CDK13: variants seen among roughly 807,000 people sequenced by gnomAD.
CDK13 encodes the protein cyclin-dependent kinase 13.
CDK13 carries 40 observed loss-of-function variants against 137.6 expected under a neutral mutation model. The observed-to-expected ratio is 0.29, with a 90% CI of 0.23 to 0.38. CDK13 has a LOEUF of 0.38. Ranked by LOEUF, CDK13 falls within the 10% of genes least tolerant of loss-of-function variation. The pLI, the probability that CDK13 is intolerant of heterozygous loss-of-function variation, is 1.00. For synonymous variants in CDK13, 869 were observed against 760.1 expected, an observed-to-expected ratio of 1.14 and a Z score of -2.36; for missense variants, 1,704 against 1,951.8, an observed-to-expected ratio of 0.87 and a Z score of 2.39.
Position 39,950,452 on chromosome 7 carries a change from C to T in CDK13, c.-190C>T. The T allele has an allele frequency of 8.1e-7, 1 of 1,239,806 alleles. No individual in the cohort carries two copies. The highest frequency in any genetic ancestry group is 3.2e-5 in the East Asian group (1 of 31,628). The allele number at this position is 1,239,806 out of a possible 1,614,324, so 76.8% of individuals were successfully genotyped here. ...CTGCTTCCCTGGGGCCCGGAGGCTG[C>T]TGCGTACCCCACTGTGACCTGGAAC... is the stretch of plus-strand genomic sequence containing the variant. On this transcript the variant is annotated 5_prime_UTR_variant, in exon 1 of 14. Transcript: ENST00000181839.
At chr7:40,003,661 A>G (rs1784740510) in intron 5 of CDK13, among the ~76,000 whole-genome samples, 1 of 152,228 alleles carries the variant, frequency 6.6e-6, no homozygotes, top group Admixed American at 6.5e-5. Context: ...CTCAGGCTCT[A>G]GCCAAATCAG....
At position 39,950,839 on chromosome 7, in the gene CDK13, GGCCGCCGCCGCA is replaced by G. The variant is rs1171195152; in HGVS notation, c.210_221del (p.Ala73_Ala76del). 2.9e-6 allele frequency: 4 copies of G among 1,381,480 alleles called. No individual in the cohort carries two copies. The highest frequency in any genetic ancestry group is 3.0e-5 in the East Asian group (1 of 32,796). 85.6% of individuals were successfully genotyped at this position (1,381,480 alleles called of 1,614,324 possible). ...TGCTCTTCCTGGCTGCTCCCGGCAC[GGCCGCCGCCGCA>G]GCCGCCGCCGCCGCGGCCTCCTCCT... is the stretch of plus-strand genomic sequence containing the variant. On this transcript the variant is annotated inframe_deletion, in exon 1 of 14. Transcript: ENST00000181839.
At chr7:40,089,159 G>C (rs769195956) in intron 12 of CDK13, among the ~76,000 whole-genome samples, 2 of 151,898 alleles carry the variant, frequency 1.3e-5, no homozygotes, top group Admixed American at 6.6e-5. Context: ...GGAAGGCCAG[G>C]CATGGTGGCT....
chr7:39,951,580 G>T lies in CDK13; in HGVS notation c.939G>T (p.Arg313=), dbSNP rs776248289. The T allele has an allele frequency of 6.6e-7, 1 of 1,509,776 alleles. No homozygotes were observed. Among genetic ancestry groups the T allele is most frequent in the Admixed American group, 2.2e-5 (1 of 44,998 alleles). 93.5% of individuals were successfully genotyped at this position (1,509,776 alleles called of 1,614,324 possible). A position where few individuals can be genotyped will look rare whatever the true frequency, so the allele number is the denominator to read the frequency against. ...DKTEPKAYRR[R]RSLSPLGGRD... is the part of the protein sequence containing the mutation. ...CCGAGCCTAAGGCCTACAGGCGGCG[G>T]CGGTCCCTCAGCCCACTGGGAGGCC... The change falls in exon 1 of 14, where the codon CGG becomes CGT. Residue 313 remains arginine, a synonymous_variant. Coordinates refer to ENST00000181839, the MANE Select transcript of CDK13 (RefSeq NM_003718.5).
chr7:40,068,617 G>A (rs1786336943), intron 9 of CDK13, among the ~76,000 whole-genome samples: 1 of 146,902 alleles, frequency 6.8e-6, no homozygotes, highest in Admixed American at 6.9e-5. Context: ...TCCTGCCTCA[G>A]GTAGCTTGAA....
At chr7:40,049,456 T>C (rs1272016630) in intron 7 of CDK13, among the ~76,000 whole-genome samples, 1 of 151,948 alleles carries the variant, frequency 6.6e-6, no homozygotes, top group Non-Finnish European at 1.5e-5. Flanking sequence ...AAAAGCTATG[T>C]CCCTCATTTT....
At chr7:39,979,882 T>C (rs1188535037) in intron 1 of CDK13, among the ~76,000 whole-genome samples, 2 of 151,992 alleles carry the variant, frequency 1.3e-5, no homozygotes, top group Non-Finnish European at 2.9e-5. Context: ...ATGATGAAAG[T>C]AGAGGCCCAG....
At chr7:39,970,686 C>T (rs1265059886) in intron 1 of CDK13, among the ~76,000 whole-genome samples, 4 of 152,110 alleles carry the variant, frequency 2.6e-5, no homozygotes, top group Non-Finnish European at 4.4e-5. Flanking sequence ...GTCTTGAACT[C>T]CTGACCTCAA....
intron 2 of CDK13, among the ~76,000 whole-genome samples, chr7:39,996,779 A>G (rs956473968): frequency 3.9e-5 from 6 of 151,992 alleles, no homozygotes; most frequent in African/African-American, 7.3e-5. Context: ...CCTGGCCAAC[A>G]TGGTGAAACC....
At chr7:39,955,061 T>A (rs1244502263) in intron 1 of CDK13, among the ~76,000 whole-genome samples, 1 of 152,224 alleles carries the variant, frequency 6.6e-6, no homozygotes, top group Non-Finnish European at 1.5e-5. Context: ...TAGCTTTACT[T>A]TTTCCCCTGT....
chr7:40,016,402 C>T (rs1785005916), intron 5 of CDK13, among the ~76,000 whole-genome samples: 1 of 152,092 alleles, frequency 6.6e-6, no homozygotes, highest in Non-Finnish European at 1.5e-5. Flanking sequence ...TCATGATTAC[C>T]ATTAGAGTCT....
chr7:40,063,442 G>A (rs1424166974), intron 9 of CDK13, among the ~76,000 whole-genome samples: 1 of 151,956 alleles, frequency 6.6e-6, no homozygotes, highest in African/African-American at 2.4e-5. Context: ...TTTTAATTAT[G>A]AAAGAAATGA....
At chr7:40,028,359 C>T (rs1419460690) in intron 5 of CDK13, among the ~76,000 whole-genome samples, 1 of 151,850 alleles carries the variant, frequency 6.6e-6, no homozygotes, top group Non-Finnish European at 1.5e-5. Context: ...GCTGGGACGA[C>T]AGGCACCTGC....
At chr7:40,077,767 A>T (rs946564329) in intron 9 of CDK13, among the ~76,000 whole-genome samples, 6 of 152,150 alleles carry the variant, frequency 3.9e-5, no homozygotes, top group African/African-American at 1.4e-4. Context: ...GAGGCAGGAG[A>T]ATCACTTGAA....
chr7:40,090,765 C>T (rs762566592), intron 12 of CDK13, among the ~76,000 whole-genome samples: 3 of 152,080 alleles, frequency 2.0e-5, no homozygotes, highest in South Asian at 4.1e-4. Context: ...CAGTTACTTG[C>T]GGGGCTGAAG....
chr7:39,966,498 T>C (rs1300523644), intron 1 of CDK13, among the ~76,000 whole-genome samples: 2 of 152,212 alleles, frequency 1.3e-5, no homozygotes, highest in East Asian at 1.9e-4. Context: ...GTTATTCTAG[T>C]TAGCCATTCA....
intron 5 of CDK13, among the ~76,000 whole-genome samples, chr7:40,032,474 A>G (rs1382041820): frequency 1.3e-5 from 2 of 152,220 alleles, no homozygotes; most frequent in African/African-American, 2.4e-5. Flanking sequence ...GCCAAACTCA[A>G]GATCACCTAG....
At chr7:39,986,705 A>AAAACTTTGAATAGTTTGTTTG (rs1784344748) in intron 1 of CDK13, 1 of 152,208 alleles carries the variant, frequency 6.6e-6, no homozygotes, top group African/African-American at 2.4e-5. Flanking sequence ...CCTCAGATTA[A>AAAACTTTGAATAGTTTGTTTG]GAGTGATTGG....
intron 5 of CDK13, among the ~76,000 whole-genome samples, chr7:40,013,954 T>G (rs1784949692): frequency 6.6e-6 from 1 of 151,896 alleles, no homozygotes; most frequent in African/African-American, 2.4e-5. Context: ...ATCAAAAAAC[T>G]TCTACTTTTT....
Sources: gnomAD v4.1 joint callset for allele counts (sites outside exome capture counted in the v4.1 genomes callset) on GRCh38, gnomAD v4.1.1 for gene constraint, MANE v1.5 for transcripts, NCBI Gene and HGNC (gene_info 2026-07-23, HGNC 2026-07-21) for gene names.